The following CCDC7 variants were observed in gnomAD, a reference collection of about 807,000 sequenced individuals.
CCDC7 encodes coiled-coil domain-containing protein 7.
A neutral mutation model predicts 196.9 loss-of-function variants in CCDC7; 183 were observed. The ratio of observed to expected loss-of-function variants is 0.93; its 90% CI spans 0.82 to 1.05. The LOEUF (loss-of-function observed/expected upper bound fraction) is 1.05. CCDC7 is among the 50% of genes least tolerant of loss of function. CCDC7 has a pLI of 0.00. For missense variants in CCDC7, 1,540 were observed against 1,482.2 expected, an observed-to-expected ratio of 1.04 and a Z score of -0.64; for synonymous variants, 525 against 484.6, an observed-to-expected ratio of 1.08 and a Z score of -1.10.
chr10:32,544,426 C>G (rs45553939), intron 13 of CCDC7, 125 bp downstream of exon 14: 88,066 of 879,256 alleles, frequency 0.1, 4,674 homozygotes, highest in African/African-American at 0.22. Context: ...GTATGTGTCT[C>G]TGTGTGTGTG....
At chr10:32,766,851 C>T (rs550511875) in intron 28 of CCDC7, among the ~76,000 whole-genome samples, 1 of 152,208 alleles carries the variant, frequency 6.6e-6, no homozygotes, top group African/African-American at 2.4e-5. Flanking sequence ...TTCTCTCTCC[C>T]AGCCTACTCT....
intron 18 of CCDC7, among the ~76,000 whole-genome samples, chr10:32,632,046 T>A (rs1005291120): frequency 2.0e-5 from 3 of 151,654 alleles, no homozygotes; most frequent in African/African-American, 7.3e-5. Flanking sequence ...TTTGTGTGTG[T>A]ATAGGTGTTT....
chr10:32,720,531 C>A (rs986473542), intron 25 of CCDC7, among the ~76,000 whole-genome samples: 1 of 152,140 alleles, frequency 6.6e-6, no homozygotes, highest in East Asian at 1.9e-4. Flanking sequence ...ATGTAACAAG[C>A]CTGCATGTTC....
intron 8 of CCDC7, among the ~76,000 whole-genome samples, chr10:32,476,898 G>T (rs2039073181): frequency 6.6e-6 from 1 of 151,918 alleles, no homozygotes; most frequent in Non-Finnish European, 1.5e-5. Context: ...TTAAAAATTG[G>T]GTTATTCGTT....
At chr10:32,736,536 C>T (rs1303016177) in intron 28 of CCDC7, among the ~76,000 whole-genome samples, 2 of 151,992 alleles carry the variant, frequency 1.3e-5, no homozygotes, top group Non-Finnish European at 2.9e-5. Flanking sequence ...GCTATCCCTC[C>T]CCGCTCCCCC....
At chr10:32,806,763 C>G (rs942828337) in intron 30 of CCDC7, among the ~76,000 whole-genome samples, 1 of 152,044 alleles carries the variant, frequency 6.6e-6, no homozygotes, top group Non-Finnish European at 1.5e-5. Flanking sequence ...ATAAATGAGT[C>G]TACACATCCA....
chr10:32,573,092 G>A (rs368668969), intron 16 of CCDC7, among the ~76,000 whole-genome samples: 1 of 151,882 alleles, frequency 6.6e-6, no homozygotes, highest in African/African-American at 2.4e-5. Flanking sequence ...TGGCCAGGCT[G>A]GTCTCAAACT....
intron 18 of CCDC7, among the ~76,000 whole-genome samples, chr10:32,630,205 C>T (rs949541047): frequency 6.6e-6 from 1 of 151,982 alleles, no homozygotes; most frequent in African/African-American, 2.4e-5. Context: ...TCCTCTGATC[C>T]CCCTGTCCCT....
At chr10:32,831,745 C>T (rs976544983) in intron 32 of CCDC7, among the ~76,000 whole-genome samples, 1 of 152,174 alleles carries the variant, frequency 6.6e-6, no homozygotes, top group Non-Finnish European at 1.5e-5. Context: ...AAGTAACACA[C>T]GTGAAGCTTT....
chr10:32,685,950 A>G lies in CCDC7; in HGVS notation c.2123-20A>G. 3 of 1,349,662 alleles carry G rather than the reference A, an allele frequency of 2.2e-6. No individual in the cohort carries two copies. Among genetic ancestry groups the G allele is most frequent in the Non-Finnish European group, 3.1e-6 (3 of 975,690 alleles). The allele number at this position is 1,349,662 out of a possible 1,614,324, so 83.6% of individuals were successfully genotyped here. A position where few individuals can be genotyped will look rare whatever the true frequency, so the allele number is the denominator to read the frequency against. Reference sequence around the variant, plus strand: ...ATCCATTTTTCTATTTAGTGGAATAAATGTATTTTCTTTATGTAGCTCATA... The same window carrying G: ...ATCCATTTTTCTATTTAGTGGAATAGATGTATTTTCTTTATGTAGCTCATA... On this transcript the variant is annotated intron_variant, in intron 21 of 41. Coordinates refer to ENST00000639629, the Ensembl canonical transcript of CCDC7.
At chr10:32,454,496 T>C (rs2033857425) in intron 2 of CCDC7, among the ~76,000 whole-genome samples, 1 of 151,994 alleles carries the variant, frequency 6.6e-6, no homozygotes, top group Non-Finnish European at 1.5e-5. Context: ...GACGGGATCA[T>C]TGGTACCCCA....
chr10:32,757,343 T>A (rs1425672944), intron 28 of CCDC7, among the ~76,000 whole-genome samples: 1 of 152,136 alleles, frequency 6.6e-6, no homozygotes, highest in Non-Finnish European at 1.5e-5. Flanking sequence ...ACTAACCACA[T>A]AGTTGGAAGC....
At chr10:32,629,290 A>G (rs114696618) in intron 18 of CCDC7, among the ~76,000 whole-genome samples, 2 of 151,856 alleles carry the variant, frequency 1.3e-5, no homozygotes, top group African/African-American at 4.8e-5. Context: ...CTGGAAGTTT[A>G]TTTTTTTGAT....
At chr10:32,833,881 A>C (rs1385333912) in intron 32 of CCDC7, among the ~76,000 whole-genome samples, 3 of 152,082 alleles carry the variant, frequency 2.0e-5, no homozygotes, top group Non-Finnish European at 4.4e-5. Flanking sequence ...CTACTCTATG[A>C]TGTCTGGGTC....
At chr10:32,671,237 C>G (rs984603585) in intron 21 of CCDC7, among the ~76,000 whole-genome samples, 1 of 152,098 alleles carries the variant, frequency 6.6e-6, no homozygotes, top group Non-Finnish European at 1.5e-5. Flanking sequence ...GGTAAGTATT[C>G]TATACAGGTA....
chr10:32,671,633 G>A (rs897586877), intron 21 of CCDC7, among the ~76,000 whole-genome samples: 1 of 152,120 alleles, frequency 6.6e-6, no homozygotes, highest in Non-Finnish European at 1.5e-5. Context: ...TGGTCATGTC[G>A]TATCTTTAGT....
At chr10:32,548,987 C>T (rs375187667) in intron 13 of CCDC7, among the ~76,000 whole-genome samples, 1 of 152,338 alleles carries the variant, frequency 6.6e-6, no homozygotes, top group African/African-American at 2.4e-5. Flanking sequence ...GGAATCTCTA[C>T]ACCGTTTTCC....
chr10:32,597,445 C>T (rs1366707894), intron 18 of CCDC7, among the ~76,000 whole-genome samples: 1 of 152,100 alleles, frequency 6.6e-6, no homozygotes, highest in African/African-American at 2.4e-5. Context: ...AGGTTTTTAG[C>T]TTCTTGCGAT....
intron 9 of CCDC7, among the ~76,000 whole-genome samples, chr10:32,508,237 A>G (rs73251577): frequency 0.013 from 1,947 of 152,328 alleles, 48 homozygotes; most frequent in African/African-American, 0.045. Flanking sequence ...CAGCATCCCC[A>G]TATCAGTTGT....
Sources: gnomAD v4.1 joint callset for allele counts (sites outside exome capture counted in the v4.1 genomes callset) on GRCh38, gnomAD v4.1.1 for gene constraint, MANE v1.5 for transcripts, NCBI Gene and HGNC (gene_info 2026-07-23, HGNC 2026-07-21) for gene names.